ABCC4: variants seen among roughly 807,000 people sequenced by gnomAD.
The protein encoded by ABCC4 is ATP binding cassette subfamily C member 4 (PEL blood group).
A neutral mutation model predicts 168.5 loss-of-function variants in ABCC4; 102 were observed. The ratio of observed to expected loss-of-function variants is 0.61; its 90% confidence interval spans 0.52 to 0.71. ABCC4 has a LOEUF of 0.71. Ranked by LOEUF, ABCC4 falls within the 30% of genes least tolerant of loss-of-function variation. The pLI is 0.00. For synonymous variants in ABCC4, 617 were observed against 590.7 expected (o/e 1.04, Z -0.65); for missense variants, 1,402 against 1,605.8 (o/e 0.87, Z 2.17).
intron 1 of ABCC4, among the ~76,000 whole-genome samples, chr13:95,257,553 C>T (rs1413618928): frequency 1.3e-5 from 2 of 151,964 alleles, no homozygotes; most frequent in Non-Finnish European, 2.9e-5. Context: ...ATCCCAGCTA[C>T]TCAGGAGGCT....
At chr13:95,205,638 G>T (rs369070459) in intron 8 of ABCC4, among the ~76,000 whole-genome samples, 51 of 152,366 alleles carry the variant, frequency 3.3e-4, no homozygotes, top group African/African-American at 1.2e-3. Flanking sequence ...AAAGGTGATG[G>T]TGTGTAAAGT....
chr13:95,064,297 T>TATATAC (rs1555306881), intron 25 of ABCC4, among the ~76,000 whole-genome samples: 9 of 105,322 alleles, frequency 8.5e-5, no homozygotes, highest in East Asian at 4.7e-4. Context: ...TATATATATA[T>TATATAC]ACACACACAC....
At position 95,207,909 on chromosome 13, in the gene ABCC4, A is replaced by C. The variant is rs748836370; in HGVS notation, c.802T>G (p.Phe268Val). 1 of 1,613,710 alleles carries C rather than the reference A, an allele frequency of 6.2e-7. No homozygotes were observed. Among genetic ancestry groups the C allele is most frequent in the Admixed American group, 1.7e-5 (1 of 59,858 alleles). Reference protein sequence around the residue: ...FSSLRSKTATFTDARIRTMNE... With the variant: ...FSSLRSKTATVTDARIRTMNE... ...ATGGTCCTGATCCTGGCATCCGTGA[A>C]AGTTGCAGTTTTACTCCTAAGGGGA... Residue 268 changes from phenylalanine (F) to valine (V), a missense_variant, in exon 7 of 31, where the codon TTC becomes GTC. Physicochemically the swap from Phe to Val is conservative, Grantham distance 50. Transcript: ENST00000645237.
intron 8 of ABCC4, among the ~76,000 whole-genome samples, chr13:95,201,618 T>C (rs1387497142): frequency 6.6e-6 from 1 of 152,014 alleles, no homozygotes; most frequent in African/African-American, 2.4e-5. Context: ...GCTTCAATAA[T>C]AAGGGGAAAA....
At chr13:95,166,813 G>A (rs1379801885) in intron 14 of ABCC4, among the ~76,000 whole-genome samples, 2 of 152,142 alleles carry the variant, frequency 1.3e-5, no homozygotes, top group Non-Finnish European at 2.9e-5. Flanking sequence ...ACTGGCCATG[G>A]GCCCTGCTGG....
chr13:95,099,519 T>A (rs2034724313), intron 20 of ABCC4, among the ~76,000 whole-genome samples: 1 of 152,096 alleles, frequency 6.6e-6, no homozygotes, highest in South Asian at 2.1e-4. Flanking sequence ...GTAAAAAAAA[T>A]ATGACACTAG....
intron 20 of ABCC4, among the ~76,000 whole-genome samples, chr13:95,100,574 G>T (rs2034762778): frequency 6.6e-6 from 1 of 152,202 alleles, no homozygotes; most frequent in African/African-American, 2.4e-5. Context: ...AATATTTCCA[G>T]TAACTCATGT....
At chr13:95,118,391 A>C (rs540999149) in intron 19 of ABCC4, among the ~76,000 whole-genome samples, 1 of 152,090 alleles carries the variant, frequency 6.6e-6, no homozygotes, top group East Asian at 1.9e-4. Context: ...TTACAGGCAC[A>C]TGCCACCATG....
At chr13:95,039,793 C>T (rs903311694) in intron 29 of ABCC4, among the ~76,000 whole-genome samples, 8 of 152,306 alleles carry the variant, frequency 5.3e-5, no homozygotes, top group Non-Finnish European at 1.0e-4. Flanking sequence ...AGGATGCCAT[C>T]GCTGATAGTG....
At chr13:95,271,667 C>T (rs142470744) in intron 1 of ABCC4, among the ~76,000 whole-genome samples, 48 of 152,324 alleles carry the variant, frequency 3.2e-4, no homozygotes, top group African/African-American at 1.0e-3. Flanking sequence ...AGACACTGAT[C>T]TGTAATGGAA....
chr13:95,122,009 C>G (rs147144509), intron 19 of ABCC4, among the ~76,000 whole-genome samples: 1 of 152,106 alleles, frequency 6.6e-6, no homozygotes, highest in Non-Finnish European at 1.5e-5. Context: ...TTTTCTAATG[C>G]GGTGGGAACT....
intron 20 of ABCC4, among the ~76,000 whole-genome samples, chr13:95,113,272 G>A (rs925939477): frequency 6.6e-6 from 1 of 152,178 alleles, no homozygotes; most frequent in East Asian, 1.9e-4. Flanking sequence ...ACCTTGCTTT[G>A]CTTTAATTCA....
chr13:95,083,030 A>C, intron 21 of ABCC4, 110 bp downstream of exon 21: 1 of 1,237,854 alleles, frequency 8.1e-7, no homozygotes, highest in Non-Finnish European at 1.1e-6. Flanking sequence ...ACCTAATGTT[A>C]GAGAAATTCT....
intron 21 of ABCC4, among the ~76,000 whole-genome samples, chr13:95,078,958 T>G (rs553352719): frequency 1.3e-5 from 2 of 152,318 alleles, no homozygotes; most frequent in Non-Finnish European, 2.9e-5. Context: ...CAGGGTCAAC[T>G]TGAGAAATTA....
At chr13:95,269,355 G>A (rs780824243) in intron 1 of ABCC4, 2 of 454,788 alleles carry the variant, frequency 4.4e-6, no homozygotes, top group Non-Finnish European at 8.8e-6. Flanking sequence ...GAACACAGGA[G>A]GTGGAGGCTG....
At chr13:95,192,962 G>A (rs2038303227) in intron 9 of ABCC4, among the ~76,000 whole-genome samples, 1 of 152,156 alleles carries the variant, frequency 6.6e-6, no homozygotes, top group South Asian at 2.1e-4. Context: ...GGGTGGGAAT[G>A]CCAGCAGATA....
intron 29 of ABCC4, among the ~76,000 whole-genome samples, chr13:95,040,305 C>G (rs2032300072): frequency 6.6e-6 from 1 of 152,208 alleles, no homozygotes; most frequent in South Asian, 2.1e-4. Flanking sequence ...GATCTCGGCT[C>G]ACTGCAACCT....
intron 1 of ABCC4, among the ~76,000 whole-genome samples, chr13:95,288,646 A>G (rs2041319582): frequency 6.6e-6 from 1 of 152,170 alleles, no homozygotes; most frequent in African/African-American, 2.4e-5. Flanking sequence ...TCTCTACTAA[A>G]AATACAAAAA....
chr13:95,080,041 C>G (rs2034037238), intron 21 of ABCC4, among the ~76,000 whole-genome samples: 1 of 152,114 alleles, frequency 6.6e-6, no homozygotes, highest in Non-Finnish European at 1.5e-5. Flanking sequence ...GACTTTGTAG[C>G]CCACGCTTTA....
Sources: gnomAD v4.1 joint callset for allele counts (sites outside exome capture counted in the v4.1 genomes callset) on GRCh38, gnomAD v4.1.1 for gene constraint, MANE v1.5 for transcripts, NCBI Gene and HGNC (gene_info 2026-07-23, HGNC 2026-07-21) for gene names.